PACS2: variants seen among roughly 807,000 people sequenced by gnomAD.
The protein encoded by PACS2 is PACS1-like protein.
A neutral mutation model predicts 113.0 loss-of-function variants in PACS2; 36 were observed. The observed-to-expected ratio is 0.32, with a 90% CI of 0.24 to 0.42. The LOEUF is 0.42. PACS2 is among the 10% of genes least tolerant of loss of function. PACS2 has a pLI of 1.00. For synonymous variants in PACS2, 589 were observed against 536.1 expected (o/e 1.10, Z -1.36); for missense variants, 1,015 against 1,239.5 (o/e 0.82, Z 2.72).
At chr14:105,390,859 G>A (rs1331145667) in intron 20 of PACS2, 1 of 363,406 alleles carries the variant, frequency 2.8e-6, no homozygotes, top group Non-Finnish European at 5.1e-6. Flanking sequence ...TGTGGCTCGT[G>A]GCTGCCAGGT....
chr14:105,392,097 C>T (rs983403137), intron 22 of PACS2: 48 of 393,470 alleles, frequency 1.2e-4, no homozygotes, highest in Admixed American at 1.3e-4. Context: ...AGTCTCTAGA[C>T]GGTCCTCATG....
chr14:105,319,235 C>G (rs1047703489), intron 1 of PACS2, among the ~76,000 whole-genome samples: 2 of 152,254 alleles, frequency 1.3e-5, no homozygotes, highest in African/African-American at 4.8e-5. Flanking sequence ...CGTGAGCCAC[C>G]ACGCCCAGCC....
At position 105,356,573 on chromosome 14, in the gene PACS2, G is replaced by A. The variant is rs2060456687; in HGVS notation, c.423+1396G>A. Among the ~76,000 whole-genome samples the A allele has an allele frequency of 6.6e-6, 1 of 152,170 alleles. No homozygotes were observed. Among genetic ancestry groups the A allele is most frequent in the African/African-American group, 2.4e-5 (1 of 41,428 alleles). ...CAGGGATGCTCTCTGGGCTGTGAGA[G>A]CCTCCTGGGAGCCACCGCTTGCTTC... On this transcript the variant is annotated intron_variant, in intron 4 of 24. Coordinates refer to ENST00000447393, the MANE Select transcript of PACS2 (RefSeq NM_001100913.3). This position sits in a 1 kb window ranked among gnomAD's most constrained non-coding sequence, Gnocchi z 4.0.
At chr14:105,380,257 A>G (rs1555411612) in intron 11 of PACS2, 103 bp downstream of exon 11, 3 of 925,228 alleles carry the variant, frequency 3.2e-6, no homozygotes, top group African/African-American at 3.3e-5. Flanking sequence ...ATAGGTCCTC[A>G]TGTCACACCT....
At chr14:105,341,191 G>A (rs2059710602) in intron 1 of PACS2, among the ~76,000 whole-genome samples, 1 of 152,214 alleles carries the variant, frequency 6.6e-6, no homozygotes, top group Non-Finnish European at 1.5e-5. Context: ...CTTGTTGGCA[G>A]GCCTGTGGGT....
upstream of PACS2, among the ~76,000 whole-genome samples, chr14:105,312,972 TCTC>T (rs587743225): frequency 4.2e-4 from 64 of 152,240 alleles, 1 homozygote; most frequent in East Asian, 7.6e-3. Flanking sequence ...CAGGCCGCCA[TCTC>T]CTCTTTTGTC....
At chr14:105,383,643 G>A (rs1043248589) in intron 16 of PACS2, 130 bp downstream of exon 16, 21 of 773,244 alleles carry the variant, frequency 2.7e-5, no homozygotes, top group African/African-American at 5.3e-5. Flanking sequence ...GGTGTGGCGC[G>A]GTGTGGCATG....
intron 1 of PACS2, among the ~76,000 whole-genome samples, chr14:105,301,515 G>C (rs1234311101): frequency 6.6e-6 from 1 of 152,128 alleles, no homozygotes. Flanking sequence ...TGGTGGGCGG[G>C]GCCAGGGCAG....
At position 105,395,970 on chromosome 14, in the gene PACS2, A is replaced by G. The variant is rs73361068; in HGVS notation, c.*1298A>G. 6,701 of 152,300 alleles carry G rather than the reference A, an allele frequency of 0.044. 488 individuals are homozygous for G. The highest frequency in any genetic ancestry group is 0.15 in the African/African-American group (6,415 of 41,520). The allele number at this position is 152,300 out of a possible 1,614,324, so 9.4% of individuals were successfully genotyped here. A position where few individuals can be genotyped will look rare whatever the true frequency, so the allele number is the denominator to read the frequency against. Reference sequence around the variant, plus strand: ...TGGTTTCGTAAGATGGAGCACTGCAAAAGGCCATGCTCAGAAAGCAAACGC... The same window carrying G: ...TGGTTTCGTAAGATGGAGCACTGCAGAAGGCCATGCTCAGAAAGCAAACGC... On this transcript the variant is annotated 3_prime_UTR_variant, in exon 25 of 25. Coordinates refer to ENST00000447393, the MANE Select transcript of PACS2 (RefSeq NM_001100913.3).
At chr14:105,322,622 A>G (rs1038737718) in intron 1 of PACS2, among the ~76,000 whole-genome samples, 1 of 152,194 alleles carries the variant, frequency 6.6e-6, no homozygotes, top group Non-Finnish European at 1.5e-5. Flanking sequence ...CTGCTGAACT[A>G]TGCAGGGACC....
Position 105,394,172 on chromosome 14 carries a change from C to T in PACS2, c.2597-382C>T, listed in dbSNP as rs587755986. On this transcript the variant is annotated intron_variant, in intron 24 of 24. Coordinates refer to ENST00000447393, the MANE Select transcript of PACS2 (RefSeq NM_001100913.3). ...CCAGGTCGACGTGGCCCTGTCTCCC[C>T]ACAGGGGTCTCTGTTTTAAGGGGGC... 2.7e-5 allele frequency: 27 copies of T among 984,484 alleles called. No homozygotes were observed. The South Asian group carries it at 1.2e-3, about 45-fold the overall frequency. The allele number at this position is 984,484 out of a possible 1,614,324, so 61.0% of individuals were successfully genotyped here. A position where few individuals can be genotyped will look rare whatever the true frequency, so the allele number is the denominator to read the frequency against.
chr14:105,349,523 C>T (rs1003078946), intron 2 of PACS2, among the ~76,000 whole-genome samples: 9 of 152,238 alleles, frequency 5.9e-5, no homozygotes, highest in African/African-American at 2.2e-4. Context: ...ACGGGGTCTC[C>T]GGGTCTCCCC....
In PACS2 at chr14:105,376,544, G is replaced by A. The variant is rs1184254573; in HGVS notation, c.802-224G>A. On this transcript the variant is annotated intron_variant, in intron 8 of 24. Transcript: ENST00000447393. The surrounding 1 kb of genome is among the most constrained non-coding windows in gnomAD (Gnocchi z 4.7). ...GCCCAGATGACTGCACCAGCCCAGGGGAGGTGGAGGAATGCCACACGCACC... is the reference window on the plus strand; with the variant it reads ...GCCCAGATGACTGCACCAGCCCAGGAGAGGTGGAGGAATGCCACACGCACC... Among the ~76,000 whole-genome samples the A allele has an allele frequency of 6.6e-6, 1 of 152,182 alleles. No homozygotes were observed. The highest frequency in any genetic ancestry group is 1.5e-5 in the Non-Finnish European group (1 of 68,026).
At chr14:105,322,041 G>C (rs892008503) in intron 1 of PACS2, among the ~76,000 whole-genome samples, 1 of 151,414 alleles carries the variant, frequency 6.6e-6, no homozygotes, top group South Asian at 2.1e-4. Context: ...GGGTTCAAGC[G>C]ATTCTCCTGC....
rs2058490448 is a variant in PACS2, at chr14:105,314,783, G to C, written c.-136G>C. 1 of 198,388 alleles carries C rather than the reference G, an allele frequency of 5.0e-6. No homozygotes were observed. The highest frequency in any genetic ancestry group is 8.7e-6 in the Non-Finnish European group (1 of 114,956). 12.3% of individuals were successfully genotyped at this position (198,388 alleles called of 1,614,324 possible). ...GCCGCCCGCGGGCCTGTCCGACGCCGGGGCCCGGCCCGTCCCCTCCGCCGC... is the reference window on the plus strand; with the variant it reads ...GCCGCCCGCGGGCCTGTCCGACGCCCGGGCCCGGCCCGTCCCCTCCGCCGC... On this transcript the variant is annotated 5_prime_UTR_variant, in exon 1 of 25. Coordinates refer to ENST00000447393, the MANE Select transcript of PACS2 (RefSeq NM_001100913.3).
At position 105,392,817 on chromosome 14, in the gene PACS2, C is replaced by A. The variant is rs782285035; in HGVS notation, c.2454C>A (p.Thr818=). The part of the protein sequence containing the change: ...EAAATPTMSM[T]VVTKEKNKKV... Reference sequence around the variant, plus strand: ...CAGCCACGCCCACCATGTCCATGACCGTGGTCACCAAGGAGAAGAACAAGA... The same window carrying A: ...CAGCCACGCCCACCATGTCCATGACAGTGGTCACCAAGGAGAAGAACAAGA... Residue 818 remains threonine (T), a synonymous_variant, in exon 23 of 25, where the codon ACC becomes ACA. Transcript: ENST00000447393. 8 of 1,606,810 alleles carry A rather than the reference C, an allele frequency of 5.0e-6. No individual in the cohort carries two copies. The South Asian group carries it at 8.8e-5, about 18-fold the overall frequency.
In PACS2 at chr14:105,366,965, G is replaced by A. The variant is rs1325639966; in HGVS notation, c.424-248G>A. ...AGTGCCCTCTGCTTATGGCCCGTTCGTGAAAGCTCCCACGTGTTCCTCTCG... is the reference window on the plus strand; with the variant it reads ...AGTGCCCTCTGCTTATGGCCCGTTCATGAAAGCTCCCACGTGTTCCTCTCG... On this transcript the variant is annotated intron_variant, in intron 4 of 24. Transcript: ENST00000447393. The surrounding 1 kb of genome is among the most constrained non-coding windows in gnomAD (Gnocchi z 4.3). Among the ~76,000 whole-genome samples, 2 of 152,098 alleles carry A rather than the reference G, an allele frequency of 1.3e-5. No individual in the cohort carries two copies. Among genetic ancestry groups the A allele is most frequent in the Non-Finnish European group, 2.9e-5 (2 of 68,014 alleles).
chr14:105,302,415 C>G (rs2058067541), intron 1 of PACS2, among the ~76,000 whole-genome samples: 2 of 151,668 alleles, frequency 1.3e-5, no homozygotes, highest in Admixed American at 6.6e-5. Context: ...GTTGGTCAGG[C>G]CAGTCTTGAA....
At chr14:105,321,801 C>A (rs1183694587) in intron 1 of PACS2, among the ~76,000 whole-genome samples, 1 of 151,852 alleles carries the variant, frequency 6.6e-6, no homozygotes, top group African/African-American at 2.4e-5. Flanking sequence ...GACTTTGATG[C>A]AAGCATTCTT....
Sources: gnomAD v4.1 joint callset for allele counts (sites outside exome capture counted in the v4.1 genomes callset) on GRCh38, gnomAD v4.1.1 for gene constraint, Gnocchi (gnomAD v3.1) non-coding constraint, MANE v1.5 for transcripts, NCBI Gene and HGNC (gene_info 2026-07-23, HGNC 2026-07-21) for gene names.